The following CCSER1 variants were observed in gnomAD, a reference collection of about 807,000 sequenced individuals.
The protein encoded by CCSER1 is serine-rich coiled-coil domain-containing protein 1.
CCSER1 carries 41 observed loss-of-function variants against 82.0 expected under a neutral mutation model. The ratio of observed to expected loss-of-function variants is 0.50; its 90% CI spans 0.39 to 0.65. CCSER1 has a LOEUF of 0.65. Among genes scored for constraint, CCSER1 ranks in the 30% least tolerant of loss-of-function variants. The pLI is 0.00. For synonymous variants in CCSER1, 414 were observed against 383.9 expected (o/e 1.08, Z -0.92); for missense variants, 1,119 against 1,064.2 (o/e 1.05, Z -0.72).
intron 1 of CCSER1, among the ~76,000 whole-genome samples, chr4:90,304,549 C>G (rs1382022986): frequency 6.6e-6 from 1 of 151,940 alleles, no homozygotes; most frequent in Non-Finnish European, 1.5e-5. Flanking sequence ...ATCACAAGAA[C>G]AAAAAACCCA....
At position 91,259,788 on chromosome 4, in the gene CCSER1, G is replaced by A. The variant is rs1369251852; in HGVS notation, c.2217+173794G>A. Among the ~76,000 whole-genome samples, 6 of 152,042 alleles carry A rather than the reference G, an allele frequency of 3.9e-5. No individual in the cohort carries two copies. The South Asian group carries it at 6.2e-4, about 16-fold the overall frequency. ...ACATTAACTCATCTTTTTTATGGCC[G>A]CATAGCATTCCATGGTGTATATGTG... On this transcript the variant is annotated intron_variant, in intron 10 of 10. Coordinates refer to ENST00000509176, the MANE Select transcript of CCSER1 (RefSeq NM_001145065.2).
rs374382886 is a variant in CCSER1 at position 91,179,451 on chromosome 4, A to G, written c.2217+93457A>G. On this transcript the variant is annotated intron_variant, in intron 10 of 10. Coordinates refer to ENST00000509176, the MANE Select transcript of CCSER1 (RefSeq NM_001145065.2). ...CTTTCAGGTACACCAGTCAGACATA[A>G]GTTTGGTCTTTTCACATAGTCCCAT... Among the ~76,000 whole-genome samples the G allele has an allele frequency of 2.0e-5, 3 of 152,110 alleles. No individual in the cohort carries two copies. The South Asian group carries it at 6.2e-4, about 32-fold the overall frequency.
chr4:91,428,063 A>G (rs1261705810), intron 10 of CCSER1, among the ~76,000 whole-genome samples: 2 of 152,048 alleles, frequency 1.3e-5, no homozygotes, highest in African/African-American at 4.8e-5. Context: ...TTTTCTAATG[A>G]AATTGAATTT....
intron 10 of CCSER1, among the ~76,000 whole-genome samples, chr4:91,099,298 G>C (rs2148846279): frequency 6.6e-6 from 1 of 152,184 alleles, no homozygotes; most frequent in East Asian, 1.9e-4. Flanking sequence ...CAGTGGTTTG[G>C]TGCCTATAGC....
chr4:90,524,090 G>T (rs1773458704), intron 5 of CCSER1, among the ~76,000 whole-genome samples: 1 of 152,104 alleles, frequency 6.6e-6, no homozygotes, highest in African/African-American at 2.4e-5. Flanking sequence ...ACTAGGGGAA[G>T]AACATTCCAG....
At chr4:90,684,771 C>T (rs1322189969) in intron 6 of CCSER1, among the ~76,000 whole-genome samples, 1 of 151,986 alleles carries the variant, frequency 6.6e-6, no homozygotes, top group Admixed American at 6.6e-5. Context: ...ATTTCCCACA[C>T]TGTTCTCGTG....
At chr4:91,327,751 G>A (rs768883026) in intron 10 of CCSER1, among the ~76,000 whole-genome samples, 2 of 152,076 alleles carry the variant, frequency 1.3e-5, no homozygotes, top group African/African-American at 2.4e-5. Flanking sequence ...TCATTTCTTT[G>A]TTTCTGCAAA....
chr4:91,402,119 G>T (rs545064921), intron 10 of CCSER1, among the ~76,000 whole-genome samples: 26 of 152,256 alleles, frequency 1.7e-4, no homozygotes, highest in East Asian at 7.7e-4. Context: ...TCTCATTGTG[G>T]TTTTGATTTG....
intron 6 of CCSER1, among the ~76,000 whole-genome samples, chr4:90,710,643 T>C (rs759633409): frequency 1.9e-4 from 29 of 152,152 alleles, no homozygotes; most frequent in Non-Finnish European, 3.7e-4. Flanking sequence ...TAGTTGTACA[T>C]GTGTGATCTT....
chr4:90,832,543 C>A (rs945378520), intron 8 of CCSER1, among the ~76,000 whole-genome samples: 4 of 151,988 alleles, frequency 2.6e-5, no homozygotes, highest in Non-Finnish European at 4.4e-5. Flanking sequence ...TACCAATGTG[C>A]ACCATCTTTG....
intron 7 of CCSER1, among the ~76,000 whole-genome samples, chr4:90,811,910 TACACACACACACAC>T (rs67215286): frequency 1.8e-5 from 2 of 113,112 alleles, no homozygotes; most frequent in African/African-American, 6.2e-5. Flanking sequence ...AATATATATA[TACACACACACACAC>T]ACACACACAC....
rs563763151 is a variant in CCSER1, at chr4:90,613,483, C to T, written c.1725-14542C>T. Among the ~76,000 whole-genome samples the T allele has an allele frequency of 2.0e-5, 3 of 152,270 alleles. No homozygotes were observed. The South Asian group carries it at 6.2e-4, about 32-fold the overall frequency. ...GTGGCAGGAATTAATGGATAAGCTC[C>T]ATAGTATAAATCAGCTACTATGGTT... On this transcript the variant is annotated intron_variant, in intron 5 of 10. Transcript: ENST00000509176.
chr4:90,907,873 T>G (rs1725738165), intron 8 of CCSER1, among the ~76,000 whole-genome samples: 1 of 152,152 alleles, frequency 6.6e-6, no homozygotes, highest in Non-Finnish European at 1.5e-5. Context: ...GAAATTTTGC[T>G]GGACTTGTCA....
intron 10 of CCSER1, among the ~76,000 whole-genome samples, chr4:91,163,081 T>G (rs1286975873): frequency 1.3e-5 from 2 of 152,232 alleles, no homozygotes; most frequent in African/African-American, 4.8e-5. Flanking sequence ...TGCTATAAAT[T>G]TCCCTTTACA....
At chr4:90,933,996 TAA>T (rs1730608771) in intron 9 of CCSER1, among the ~76,000 whole-genome samples, 1 of 151,870 alleles carries the variant, frequency 6.6e-6, no homozygotes, top group East Asian at 1.9e-4. Context: ...CTAATATAAT[TAA>T]AGTCTTATCC....
intron 5 of CCSER1, among the ~76,000 whole-genome samples, chr4:90,485,200 T>C (rs1275643528): frequency 6.6e-6 from 1 of 152,236 alleles, no homozygotes; most frequent in Non-Finnish European, 1.5e-5. Context: ...TCTCCTGGTG[T>C]GCCCTTTGTT....
intron 3 of CCSER1, among the ~76,000 whole-genome samples, chr4:90,361,552 T>C (rs1745377760): frequency 6.6e-6 from 1 of 152,196 alleles, no homozygotes; most frequent in Non-Finnish European, 1.5e-5. Flanking sequence ...GTTTGTTATA[T>C]GCATATATTA....
intron 3 of CCSER1, among the ~76,000 whole-genome samples, chr4:90,315,436 C>T (rs1374829264): frequency 1.3e-5 from 2 of 152,116 alleles, no homozygotes; most frequent in African/African-American, 2.4e-5. Flanking sequence ...ACGATCTTAC[C>T]ATCTTCCTTT....
chr4:90,970,107 A>G (rs935955653), intron 9 of CCSER1, among the ~76,000 whole-genome samples: 2 of 151,866 alleles, frequency 1.3e-5, no homozygotes, highest in Admixed American at 1.3e-4. Context: ...CATTACCTAT[A>G]TAATTATTGA....
Sources: gnomAD v4.1 joint callset for allele counts (sites outside exome capture counted in the v4.1 genomes callset) on GRCh38, gnomAD v4.1.1 for gene constraint, MANE v1.5 for transcripts, NCBI Gene and HGNC (gene_info 2026-07-23, HGNC 2026-07-21) for gene names.